The following MERTK variants were observed in gnomAD, a reference collection of about 807,000 sequenced individuals.
MERTK encodes tyrosine-protein kinase Mer.
MERTK carries 69 observed loss-of-function variants against 99.3 expected under a neutral mutation model. That is an observed-to-expected ratio of 0.70 (90% CI 0.57 to 0.85). MERTK has a LOEUF of 0.85. Ranked by LOEUF, MERTK falls within the 40% of genes least tolerant of loss-of-function variation. The pLI is 0.00. For synonymous variants in MERTK, 426 were observed against 467.6 expected (o/e 0.91, Z 1.15); for missense variants, 1,125 against 1,249.4 (o/e 0.90, Z 1.50).
chr2:112,021,350 T>C, intron 16 of MERTK, 72 bp from the exon 17 acceptor site: 1 of 1,602,542 alleles, frequency 6.2e-7, no homozygotes, highest in Admixed American at 1.7e-5. Flanking sequence ...TGTTTTCACC[T>C]GTGTCTGATA....
Position 111,975,343 on chromosome 2 carries a change from G to T in MERTK, c.1015G>T (p.Ala339Ser). 6.2e-7 allele frequency: 1 copy of T among 1,614,160 alleles called. No individual in the cohort carries two copies. The highest frequency in any genetic ancestry group is 1.1e-5 in the South Asian group (1 of 91,082). Residue 339 changes from alanine to serine, a missense_variant, in exon 7 of 19, where the codon GCC (alanine) becomes TCC (serine). Physicochemically the swap from Ala to Ser is moderately conservative, Grantham distance 99 (BLOSUM62 1). Coordinates refer to ENST00000295408, the MANE Select transcript of MERTK (RefSeq NM_006343.3). ...NGSVMIFNTS[A>S]LPHLYQIKQL... ...CTCAGTCATGATTTTTAACACCTCT[G>T]CCTTACCACATCTGTACCAAATCAA...
chr2:111,910,810 T>A (rs1286453686), intron 1 of MERTK, among the ~76,000 whole-genome samples: 2 of 151,900 alleles, frequency 1.3e-5, no homozygotes, highest in Non-Finnish European at 2.9e-5. Context: ...AAGTAAAAAG[T>A]AGGACAAAGG....
intron 15 of MERTK, chr2:112,013,243 A>G (rs1677144126): frequency 6.5e-6 from 1 of 154,232 alleles, no homozygotes; most frequent in Non-Finnish European, 1.5e-5. Flanking sequence ...CTGTTATAAA[A>G]TCACCGAGAC....
intron 1 of MERTK, among the ~76,000 whole-genome samples, chr2:111,919,766 A>G (rs867572442): frequency 1.4e-4 from 20 of 146,676 alleles, no homozygotes; most frequent in Middle Eastern, 3.5e-3. Context: ...ACCTCTGCTC[A>G]TTTTGTTTTT....
Position 111,929,213 on chromosome 2 carries a change from C to G in MERTK, c.155C>G (p.Ser52Cys), listed in dbSNP as rs1426789116. The change falls in exon 2 of 19, where the codon TCC (serine) becomes TGC (cysteine). Residue 52 changes from serine (S) to cysteine (C), a missense_variant. By Grantham distance (112) the Ser-to-Cys change is moderately radical. Transcript: ENST00000295408. Reference sequence around the variant, plus strand: ...CAAACTGACCACACACCGCTGTTATCCCTTCCTCACGCCAGTGGGTACCAG... The same window carrying G: ...CAAACTGACCACACACCGCTGTTATGCCTTCCTCACGCCAGTGGGTACCAG... ...SLQTDHTPLL[S>C]LPHASGYQPA... The G allele has an allele frequency of 3.1e-6, 5 of 1,614,080 alleles. No homozygotes were observed. Among genetic ancestry groups the G allele is most frequent in the East Asian group, 2.2e-5 (1 of 44,906 alleles).
chr2:111,927,484 A>T (rs1684588529), intron 1 of MERTK, among the ~76,000 whole-genome samples: 1 of 152,148 alleles, frequency 6.6e-6, no homozygotes, highest in Non-Finnish European at 1.5e-5. Flanking sequence ...CTGGGCACAT[A>T]CATAGCCAGA....
intron 9 of MERTK, chr2:111,996,880 A>G (rs923357463): frequency 4.2e-6 from 1 of 236,186 alleles, no homozygotes; most frequent in East Asian, 1.1e-4. Flanking sequence ...AAGGCAAACT[A>G]TTTAACCTAC....
chr2:111,969,781 T>G (rs879879591), intron 6 of MERTK, among the ~76,000 whole-genome samples: 2 of 143,460 alleles, frequency 1.4e-5, no homozygotes, highest in African/African-American at 5.2e-5. Context: ...AAGCTCCACC[T>G]CCCGGGTTCA....
intron 4 of MERTK, among the ~76,000 whole-genome samples, chr2:111,961,442 A>C (rs1212343950): frequency 1.3e-5 from 2 of 152,022 alleles, no homozygotes; most frequent in African/African-American, 4.8e-5. Context: ...GGCATGAGCC[A>C]CCGCACCCGG....
intron 7 of MERTK, among the ~76,000 whole-genome samples, chr2:111,980,912 T>G (rs1239339315): frequency 2.6e-5 from 4 of 152,206 alleles, no homozygotes; most frequent in Non-Finnish European, 5.9e-5. Context: ...TACTGTTGAC[T>G]CCTCTTTGCC....
At chr2:111,913,086 G>A in intron 1 of MERTK, 6 of 985,246 alleles carry the variant, frequency 6.1e-6, no homozygotes, top group Non-Finnish European at 7.2e-6. Context: ...TACAGGTACT[G>A]GGTCCTTTGC....
chr2:112,018,428 C>T (rs1677262997), intron 15 of MERTK, among the ~76,000 whole-genome samples: 1 of 152,150 alleles, frequency 6.6e-6, no homozygotes, highest in African/African-American at 2.4e-5. Context: ...ATAAAACTTC[C>T]ATACTTAAAG....
At position 111,982,987 on chromosome 2, in the gene MERTK, G is replaced by A. The variant is rs1027837281; in HGVS notation, c.1290G>A (p.Gly430=). The A allele has an allele frequency of 3.1e-6, 5 of 1,613,438 alleles. No individual in the cohort carries two copies. The highest frequency in any genetic ancestry group is 1.6e-4 in the Middle Eastern group (1 of 6,084). The change falls in exon 8 of 19, where the codon GGG becomes GGA. Residue 430 remains glycine, a synonymous_variant. Coordinates refer to ENST00000295408, the MANE Select transcript of MERTK (RefSeq NM_006343.3). The stretch of plus-strand genomic sequence containing the variant: ...TATCCCACGTGTGGCAGAGTGCAGG[G>A]ATTTCCGTAAGTCTAAACCCTAGAA... The part of the protein sequence containing the change: ...YRISHVWQSA[G]ISKELLEEVG...
chr2:111,970,765 C>T (rs1445048792), intron 6 of MERTK, among the ~76,000 whole-genome samples: 2 of 69,414 alleles, frequency 2.9e-5, no homozygotes, highest in East Asian at 4.2e-4. Flanking sequence ...TCTCCTCCTC[C>T]TCCTCCCTCC....
At chr2:111,960,281 G>T (rs982021103) in intron 4 of MERTK, among the ~76,000 whole-genome samples, 1 of 152,036 alleles carries the variant, frequency 6.6e-6, no homozygotes, top group Admixed American at 6.5e-5. Context: ...AGGAGTTCAA[G>T]ACCAGCCTGG....
In MERTK at chr2:111,913,191, T is replaced by A. The variant is rs142373393; in HGVS notation, c.61+14395T>A. Among the ~76,000 whole-genome samples the A allele has an allele frequency of 3.7e-3, 571 of 152,374 alleles. 2 individuals are homozygous for A. The highest frequency in any genetic ancestry group is 0.013 in the African/African-American group (545 of 41,586). ...AAGGACAAAGGCCAAATATATACTTTGAAATTATACTACAATCTGTATATC... is the reference window on the plus strand; with the variant it reads ...AAGGACAAAGGCCAAATATATACTTAGAAATTATACTACAATCTGTATATC... On this transcript the variant is annotated intron_variant, in intron 1 of 18. Transcript: ENST00000295408.
At chr2:111,917,254 C>T (rs929361811) in intron 1 of MERTK, among the ~76,000 whole-genome samples, 1 of 152,176 alleles carries the variant, frequency 6.6e-6, no homozygotes, top group Non-Finnish European at 1.5e-5. Context: ...CATCTTAGTT[C>T]TCTACTTCCT....
At chr2:112,008,803 G>T (rs916991763) in intron 14 of MERTK, 10 of 396,738 alleles carry the variant, frequency 2.5e-5, no homozygotes, top group Admixed American at 7.5e-5. Flanking sequence ...TTAATTTAAG[G>T]TTATGCATGA....
At chr2:112,007,186 G>C (rs1005646143) in intron 13 of MERTK, among the ~76,000 whole-genome samples, 3 of 151,948 alleles carry the variant, frequency 2.0e-5, no homozygotes, top group Non-Finnish European at 4.4e-5. Context: ...ACGGAGTCTC[G>C]CTCTGTTGCC....
Sources: allele counts gnomAD v4.1 joint callset (sites outside exome capture counted in the v4.1 genomes callset), GRCh38; gene constraint gnomAD v4.1.1; transcripts MANE v1.5; gene names NCBI Gene and HGNC (gene_info 2026-07-23, HGNC 2026-07-21).